Variants in AFMID observed in about 807,000 individuals in gnomAD.
AFMID encodes arylformamidase, also known as kynurenine formamidase.
A neutral mutation model predicts 47.5 loss-of-function variants in AFMID; 39 were observed. That is an observed-to-expected ratio of 0.82 (90% CI 0.64 to 1.07). The LOEUF (loss-of-function observed/expected upper bound fraction) is 1.07, where lower values mean the gene tolerates loss of function less well. AFMID is among the 50% of genes least tolerant of loss of function. AFMID has a pLI of 0.00. For missense variants in AFMID, 375 were observed against 387.5 expected (o/e 0.97, Z 0.27); for synonymous variants, 130 against 153.2 (o/e 0.85, Z 1.12).
At chr17:78,191,211 A>G in intron 2 of AFMID, 151 bp downstream of exon 2, 1 of 683,316 alleles carries the variant, frequency 1.5e-6, no homozygotes, top group East Asian at 2.8e-5. Flanking sequence ...CTCCCTGCTC[A>G]GGGGCAGGTG....
chr17:78,191,166 A>G, intron 2 of AFMID, 106 bp downstream of exon 2: 1 of 964,190 alleles, frequency 1.0e-6, no homozygotes. Context: ...CTGGGCCTCG[A>G]GGGGCATTTC....
In AFMID at chr17:78,205,742, C is replaced by T; in HGVS notation, c.780+4C>T. 2 of 1,608,534 alleles carry T rather than the reference C, an allele frequency of 1.2e-6. No individual in the cohort carries two copies. Among genetic ancestry groups the T allele is most frequent in the Non-Finnish European group, 1.7e-6 (2 of 1,180,000 alleles). The stretch of plus-strand genomic sequence containing the variant: ...ACAGTCCTGGGAGTTTTACCAGGTA[C>T]TCCCAGTGCAGGTTTGTGGCCAGAG... On this transcript the variant is annotated splice_donor_region_variant and intron_variant, in intron 9 of 10. Coordinates refer to ENST00000409257, the MANE Select transcript of AFMID (RefSeq NM_001010982.5).
At chr17:78,190,885 A>G (rs756103978) in intron 1 of AFMID, 85 bp from the exon 2 acceptor site, 19 of 1,222,798 alleles carry the variant, frequency 1.6e-5, no homozygotes, top group Non-Finnish European at 2.2e-5. Flanking sequence ...TAAGGCAGAG[A>G]GGAGCAGCCG....
Position 78,205,621 on chromosome 17 carries a change from T to A in AFMID, c.663T>A (p.Asn221Lys), listed in dbSNP as rs770015742. The part of the protein sequence containing the change: ...LQLTLEDAQR[N>K]SPQLKVAQAQ... ...ACCCCAGGGAGGACGCTCAGAGGAA[T>A]AGCCCCCAGCTGAAGGTGGCCCAGG... The change falls in exon 9 of 11, where the codon AAT becomes AAA. Residue 221 changes from asparagine (N) to lysine (K), a missense_variant. Coordinates refer to ENST00000409257, the MANE Select transcript of AFMID (RefSeq NM_001010982.5). The A allele has an allele frequency of 6.2e-7, 1 of 1,613,834 alleles. No homozygotes were observed. Among genetic ancestry groups the A allele is most frequent in the Non-Finnish European group, 8.5e-7 (1 of 1,179,816 alleles).
intron 2 of AFMID, among the ~76,000 whole-genome samples, chr17:78,200,964 C>T (rs1272587795): frequency 6.6e-6 from 1 of 151,990 alleles, no homozygotes; most frequent in African/African-American, 2.4e-5. Context: ...GGTTTACTGA[C>T]TGATCATTCC....
At chr17:78,197,213 C>T in intron 2 of AFMID, 1 of 1,550,624 alleles carries the variant, frequency 6.4e-7, no homozygotes, top group Non-Finnish European at 8.7e-7. Flanking sequence ...GCCTGTGAGG[C>T]ACATTGTCTT....
At chr17:78,206,134 A>G (rs1258147737) in intron 10 of AFMID, 84 bp downstream of exon 10, 1 of 1,190,804 alleles carries the variant, frequency 8.4e-7, no homozygotes, top group Non-Finnish European at 1.2e-6. Flanking sequence ...CCAGGAGTTC[A>G]AGACCAGCCT....
chr17:78,187,761 G>C lies in AFMID; in HGVS notation c.63+328G>C, dbSNP rs1357652907. Reference sequence around the variant, plus strand: ...GAGGTCAGGAGTTCGAGACCAGCCTGGCCAACATGGTGAAACCCCGTTTCT... The same window carrying C: ...GAGGTCAGGAGTTCGAGACCAGCCTCGCCAACATGGTGAAACCCCGTTTCT... On this transcript the variant is annotated intron_variant, in intron 1 of 10. Transcript: ENST00000409257. Among the ~76,000 whole-genome samples the C allele has an allele frequency of 3.3e-5, 5 of 152,038 alleles. No homozygotes were observed. The South Asian group carries it at 6.2e-4, about 19-fold the overall frequency.
At chr17:78,193,812 C>G (rs1341083453) in intron 2 of AFMID, among the ~76,000 whole-genome samples, 2 of 151,880 alleles carry the variant, frequency 1.3e-5, no homozygotes, top group African/African-American at 2.4e-5. Flanking sequence ...CCTGTCTCTA[C>G]TAAAAATACA....
At chr17:78,199,440 A>G (rs190155440) in intron 2 of AFMID, among the ~76,000 whole-genome samples, 1 of 151,328 alleles carries the variant, frequency 6.6e-6, no homozygotes, top group African/African-American at 2.4e-5. Flanking sequence ...CAGTGGTGCA[A>G]TCTCGGCTCG....
chr17:78,192,414 A>C (rs942904087), intron 2 of AFMID, among the ~76,000 whole-genome samples: 2 of 147,626 alleles, frequency 1.4e-5, no homozygotes, highest in African/African-American at 2.5e-5. Flanking sequence ...TCCCAGGTTC[A>C]AGCGATTCTT....
chr17:78,206,797 G>A (rs2076396149), intron 10 of AFMID, 114 bp from the exon 11 acceptor site: 3 of 1,159,944 alleles, frequency 2.6e-6, no homozygotes, highest in Admixed American at 3.5e-5. Flanking sequence ...CTCCCGAAGG[G>A]TTGGGGTTGC....
chr17:78,200,896 G>C (rs1213569418), intron 2 of AFMID, among the ~76,000 whole-genome samples: 4 of 152,204 alleles, frequency 2.6e-5, no homozygotes, highest in Non-Finnish European at 5.9e-5. Context: ...TCTCCCAAGA[G>C]CGCAGTGTCC....
At chr17:78,199,290 C>T (rs1272409105) in intron 2 of AFMID, among the ~76,000 whole-genome samples, 1 of 152,234 alleles carries the variant, frequency 6.6e-6, no homozygotes, top group Non-Finnish European at 1.5e-5. Context: ...AAGCTCTCAG[C>T]CCCATGCTTT....
chr17:78,202,384 G>A (rs1198903706), intron 2 of AFMID, 115 bp from the exon 3 acceptor site: 42 of 958,244 alleles, frequency 4.4e-5, no homozygotes, highest in Middle Eastern at 2.4e-4. Context: ...AGCCGAGATC[G>A]CGCCACTGCA....
At chr17:78,201,885 C>A (rs2076252444) in intron 2 of AFMID, among the ~76,000 whole-genome samples, 1 of 151,776 alleles carries the variant, frequency 6.6e-6, no homozygotes, top group Non-Finnish European at 1.5e-5. Flanking sequence ...CACCTGCCAC[C>A]ACGCCTGGCT....
chr17:78,198,373 G>GA (rs1431918250), intron 2 of AFMID, among the ~76,000 whole-genome samples: 3 of 151,084 alleles, frequency 2.0e-5, no homozygotes, highest in Non-Finnish European at 4.4e-5. Context: ...CCAAGGCGGG[G>GA]ATATCACTCA....
chr17:78,207,148 A>G lies in AFMID; in HGVS notation c.*211A>G, dbSNP rs1175876955. On this transcript the variant is annotated 3_prime_UTR_variant, in exon 11 of 11. Transcript: ENST00000409257. ...CTCTTCCCAGCCTGGATGGAGCTCCAGGGCTGGGGAACGTCCGCAAGTCAA... is the reference window on the plus strand; with the variant it reads ...CTCTTCCCAGCCTGGATGGAGCTCCGGGGCTGGGGAACGTCCGCAAGTCAA... 8.1e-6 allele frequency: 5 copies of G among 619,002 alleles called. No homozygotes were observed. Among genetic ancestry groups the G allele is most frequent in the Non-Finnish European group, 1.4e-5 (5 of 352,830 alleles). 38.3% of individuals were successfully genotyped at this position (619,002 alleles called of 1,614,324 possible). A position where few individuals can be genotyped will look rare whatever the true frequency, so the allele number is the denominator to read the frequency against.
At chr17:78,202,665 G>A (rs1360130171) in intron 3 of AFMID, 38 bp from the exon 4 acceptor site, 1 of 1,572,006 alleles carries the variant, frequency 6.4e-7, no homozygotes, top group Admixed American at 1.9e-5. Flanking sequence ...GCTCAGCAGG[G>A]CGGGCCTTGC....
Sources: allele counts gnomAD v4.1 joint callset (sites outside exome capture counted in the v4.1 genomes callset), GRCh38; gene constraint gnomAD v4.1.1; transcripts MANE v1.5; gene names NCBI Gene and HGNC (gene_info 2026-07-23, HGNC 2026-07-21).